The following DYNLL1 variants were observed in gnomAD, a reference collection of about 807,000 sequenced individuals.
The protein encoded by DYNLL1 is dynein light chain 1, cytoplasmic.
Under a neutral mutation model 10.1 loss-of-function variants are expected in DYNLL1, and 3 were observed. The observed-to-expected ratio is 0.30, with a 90% CI of 0.14 to 0.77. The LOEUF (loss-of-function observed/expected upper bound fraction) is 0.77. Ranked by LOEUF, DYNLL1 falls within the 30% of genes least tolerant of loss-of-function variation. The pLI is 0.66. For missense variants in DYNLL1, 47 were observed against 111.7 expected (o/e 0.42, Z 2.61); for synonymous variants, 46 against 41.2 (o/e 1.12, Z -0.45).
intron 1 of DYNLL1, among the ~76,000 whole-genome samples, chr12:120,482,608 C>T (rs532698396): frequency 6.6e-6 from 1 of 152,160 alleles, no homozygotes; most frequent in East Asian, 1.9e-4. Context: ...AGGCGTGAGC[C>T]ACCATGCCCG....
chr12:120,474,909 T>C (rs1240541184), intron 1 of DYNLL1, among the ~76,000 whole-genome samples: 2 of 152,152 alleles, frequency 1.3e-5, no homozygotes, highest in Non-Finnish European at 2.9e-5. Context: ...ACCACTGTAC[T>C]TGTGTGATGG....
chr12:120,496,585 C>A (rs774811899), intron 2 of DYNLL1, 32 bp downstream of exon 2: 1 of 1,613,586 alleles, frequency 6.2e-7, no homozygotes, highest in Admixed American at 1.7e-5. Flanking sequence ...GATACGCAGC[C>A]GGGAGCAGGG....
At position 120,483,367 on chromosome 12, in the gene DYNLL1, C is replaced by T. The variant is rs144704907; in HGVS notation, c.-6-13049C>T. 3.8e-3 allele frequency among the ~76,000 whole-genome samples: 570 copies of T among 150,060 alleles called. 4 individuals carry two copies. The highest frequency in any genetic ancestry group is 0.013 in the African/African-American group (546 of 40,868). On this transcript the variant is annotated intron_variant, in intron 1 of 2. Transcript: ENST00000392509. Reference sequence around the variant, plus strand: ...AAAAAAAAAAAGGTCAGAAGAAGAGCGAAGGTGGTGAGATATATTTTCAAG... The same window carrying T: ...AAAAAAAAAAAGGTCAGAAGAAGAGTGAAGGTGGTGAGATATATTTTCAAG...
chr12:120,481,008 C>A (rs1051751488), intron 1 of DYNLL1, among the ~76,000 whole-genome samples: 2 of 152,192 alleles, frequency 1.3e-5, no homozygotes, highest in African/African-American at 2.4e-5. Flanking sequence ...ATCTGCCCAC[C>A]TTGGCCTCCC....
intron 2 of DYNLL1, chr12:120,497,852 T>G (rs1293108251): frequency 1.8e-6 from 1 of 548,316 alleles, no homozygotes; most frequent in Non-Finnish European, 3.2e-6. Flanking sequence ...CTTTCGTCCT[T>G]TGACCTCCTC....
intron 1 of DYNLL1, among the ~76,000 whole-genome samples, chr12:120,476,509 G>A (rs1320342567): frequency 3.5e-4 from 54 of 152,134 alleles, no homozygotes; most frequent in Admixed American, 3.5e-3. Context: ...GGCAGCTGGG[G>A]ACCAGTTTCT....
At chr12:120,484,347 G>T in intron 1 of DYNLL1, among the ~76,000 whole-genome samples, 1 of 138,166 alleles carries the variant, frequency 7.2e-6, no homozygotes, top group Admixed American at 7.2e-5. Context: ...ATACAGATGT[G>T]GGTGGGTGGG....
chr12:120,483,770 C>T (rs1233808812), intron 1 of DYNLL1, among the ~76,000 whole-genome samples: 4 of 151,886 alleles, frequency 2.6e-5, no homozygotes, highest in Non-Finnish European at 2.9e-5. Flanking sequence ...GAGAAGTAGC[C>T]CAATAGAGAA....
intron 1 of DYNLL1, among the ~76,000 whole-genome samples, chr12:120,471,209 A>AC (rs902829047): frequency 6.8e-5 from 9 of 131,584 alleles, no homozygotes; most frequent in African/African-American, 1.6e-4. Flanking sequence ...TACTAAAAAT[A>AC]CAAAAAAAAA....
In DYNLL1 at chr12:120,498,325, T is replaced by G. The variant is rs1456928953; in HGVS notation, c.*115T>G. ...CTTGCTAAGGGAACATCTCGATGTTTGAACCTTTGTTGTGTTTTGTACAGG... is the reference window on the plus strand; with the variant it reads ...CTTGCTAAGGGAACATCTCGATGTTGGAACCTTTGTTGTGTTTTGTACAGG... On this transcript the variant is annotated 3_prime_UTR_variant, in exon 3 of 3. Transcript: ENST00000242577. 22 of 1,351,788 alleles carry G rather than the reference T, an allele frequency of 1.6e-5. No homozygotes were observed. The highest frequency in any genetic ancestry group is 2.2e-5 in the Non-Finnish European group (22 of 1,006,556). The allele number at this position is 1,351,788 out of a possible 1,614,324, so 83.7% of individuals were successfully genotyped here.
chr12:120,483,074 T>C (rs1441408999), intron 1 of DYNLL1, among the ~76,000 whole-genome samples: 1 of 151,884 alleles, frequency 6.6e-6, no homozygotes, highest in African/African-American at 2.4e-5. Flanking sequence ...GCACGGTGGC[T>C]TACACCTGTA....
Position 120,498,319 on chromosome 12 carries a change from G to A in DYNLL1, c.*109G>A, listed in dbSNP as rs1004056845. ...TTCAGCCTTGCTAAGGGAACATCTC[G>A]ATGTTTGAACCTTTGTTGTGTTTTG... On this transcript the variant is annotated 3_prime_UTR_variant, in exon 3 of 3. Coordinates refer to ENST00000242577, the MANE Select transcript of DYNLL1 (RefSeq NM_003746.3). The A allele has an allele frequency of 1.5e-5, 21 of 1,389,078 alleles. No homozygotes were observed. Among genetic ancestry groups the A allele is most frequent in the African/African-American group, 2.9e-5 (2 of 69,434 alleles). 86.0% of individuals were successfully genotyped at this position (1,389,078 alleles called of 1,614,324 possible). A position where few individuals can be genotyped will look rare whatever the true frequency, so the allele number is the denominator to read the frequency against.
At chr12:120,492,481 C>T (rs12305704), upstream of DYNLL1, among the ~76,000 whole-genome samples, 149 of 152,172 alleles carry the variant, frequency 9.8e-4, no homozygotes, top group African/African-American at 3.5e-3. This position sits in a 1 kb window ranked among gnomAD's most constrained non-coding sequence, Gnocchi z 4.1. Flanking sequence ...GCAGGAGAAT[C>T]GCTTGAACCC....
intron 1 of DYNLL1, 82 bp downstream of exon 1, chr12:120,496,298 C>A: frequency 6.9e-7 from 1 of 1,444,044 alleles, no homozygotes; most frequent in Non-Finnish European, 9.3e-7. Flanking sequence ...GTAGCCCGCG[C>A]TTCCTGAGAA....
At chr12:120,480,114 A>C (rs1013041950) in intron 1 of DYNLL1, among the ~76,000 whole-genome samples, 3 of 152,198 alleles carry the variant, frequency 2.0e-5, no homozygotes, top group Middle Eastern at 3.4e-3. Context: ...GCAAAAATCC[A>C]ATCATCCCTC....
intron 1 of DYNLL1, among the ~76,000 whole-genome samples, chr12:120,489,768 G>A (rs1163541236): frequency 1.3e-5 from 2 of 151,350 alleles, no homozygotes; most frequent in East Asian, 1.9e-4. Flanking sequence ...ATTTTTTTGA[G>A]GTGGAGTCTC....
intron 1 of DYNLL1, among the ~76,000 whole-genome samples, chr12:120,489,857 C>T (rs1193092081): frequency 6.6e-6 from 1 of 152,212 alleles, no homozygotes; most frequent in Non-Finnish European, 1.5e-5. Context: ...AAGCAATTCT[C>T]CTGCCTCAGC....
intron 1 of DYNLL1, among the ~76,000 whole-genome samples, chr12:120,480,026 TCA>T (rs1230007140): frequency 6.6e-6 from 1 of 152,168 alleles, no homozygotes; most frequent in South Asian, 2.1e-4. Flanking sequence ...GAGTATGGTC[TCA>T]CAGTGTCCAA....
At chr12:120,473,835 C>G (rs1434201165) in intron 1 of DYNLL1, among the ~76,000 whole-genome samples, 2 of 151,996 alleles carry the variant, frequency 1.3e-5, no homozygotes, top group Non-Finnish European at 2.9e-5. Flanking sequence ...CAGGCATTAG[C>G]CACGGCACCT....
Sources: allele counts gnomAD v4.1 joint callset (sites outside exome capture counted in the v4.1 genomes callset), GRCh38; gene constraint gnomAD v4.1.1; non-coding constraint Gnocchi (gnomAD v3.1); transcripts MANE v1.5; gene names NCBI Gene and HGNC (gene_info 2026-07-23, HGNC 2026-07-21).